Variants in SLC9B1 observed in about 807,000 individuals in gnomAD.
The protein encoded by SLC9B1 is sodium/hydrogen exchanger 9B1.
In SLC9B1, 32 loss-of-function variants were observed where a neutral mutation model predicts 51.7. The observed-to-expected ratio is 0.62, with a 90% CI of 0.47 to 0.83. SLC9B1 has a LOEUF of 0.83. SLC9B1 is among the 40% of genes least tolerant of loss of function. SLC9B1 has a pLI of 0.00. For synonymous variants in SLC9B1, 145 were observed against 212.7 expected (o/e 0.68, Z 2.77); for missense variants, 406 against 613.2 (o/e 0.66, Z 3.57).
intron 1 of SLC9B1, among the ~76,000 whole-genome samples, chr4:103,018,460 C>T (rs969804573): frequency 6.6e-6 from 1 of 152,162 alleles, no homozygotes; most frequent in Non-Finnish European, 1.5e-5. Flanking sequence ...TTCATAGGCA[C>T]ACAGTGACTA....
At chr4:102,988,537 G>T (rs1739779609) in intron 3 of SLC9B1, among the ~76,000 whole-genome samples, 1 of 151,918 alleles carries the variant, frequency 6.6e-6, no homozygotes, top group South Asian at 2.1e-4. Context: ...TCCATGATGC[G>T]GCAGAGTGGG....
At chr4:103,015,598 A>G (rs1741274941) in intron 1 of SLC9B1, among the ~76,000 whole-genome samples, 1 of 152,138 alleles carries the variant, frequency 6.6e-6, no homozygotes, top group Admixed American at 6.5e-5. Flanking sequence ...AACTTTGCCC[A>G]GCTGTGCTAT....
intron 3 of SLC9B1, among the ~76,000 whole-genome samples, chr4:102,955,859 A>G (rs1305285683): frequency 8.2e-6 from 1 of 122,006 alleles, no homozygotes; most frequent in Non-Finnish European, 1.6e-5. Flanking sequence ...GAAAGAAAGA[A>G]AGAAAGAAAG....
chr4:102,938,362 A>G (rs1736824829), intron 6 of SLC9B1, among the ~76,000 whole-genome samples: 1 of 152,248 alleles, frequency 6.6e-6, no homozygotes, highest in African/African-American at 2.4e-5. Flanking sequence ...TGGAGCATTC[A>G]GATTCATAAA....
chr4:102,890,925 A>G (rs1393266850), intron 11 of SLC9B1: 1 of 150,142 alleles, frequency 6.7e-6, no homozygotes, highest in Non-Finnish European at 1.5e-5. Context: ...GACAGGAGGA[A>G]ACCAATATAA....
intron 1 of SLC9B1, among the ~76,000 whole-genome samples, chr4:103,004,618 A>C (rs1560528798): frequency 6.6e-6 from 1 of 152,200 alleles, no homozygotes; most frequent in African/African-American, 2.4e-5. Flanking sequence ...GACCATCCCC[A>C]AAACACAAAG....
At chr4:102,894,140 GA>G (rs1734420014) in intron 11 of SLC9B1, among the ~76,000 whole-genome samples, 1 of 152,190 alleles carries the variant, frequency 6.6e-6, no homozygotes, top group African/African-American at 2.4e-5. Flanking sequence ...TAAATGCTGA[GA>G]GGGCTATTGT....
At chr4:103,013,102 CA>C (rs1741162102) in intron 1 of SLC9B1, among the ~76,000 whole-genome samples, 1 of 152,206 alleles carries the variant, frequency 6.6e-6, no homozygotes, top group South Asian at 2.1e-4. Context: ...CAACTATAGA[CA>C]AAGCTACCAA....
Position 102,910,473 on chromosome 4 carries a change from C to T in SLC9B1, c.1052G>A (p.Ser351Asn), listed in dbSNP as rs1277051930. 3 of 1,557,298 alleles carry T rather than the reference C, an allele frequency of 1.9e-6. No homozygotes were observed. The highest frequency in any genetic ancestry group is 4.0e-5 in the Admixed American group (2 of 50,116). Residue 351 changes from serine to asparagine, a missense_variant, in exon 9 of 12, where the codon AGT becomes AAT. Ser to Asn is a conservative substitution (Grantham distance 46). Around this residue, in one of 6 missense-constraint regions of SLC9B1, gnomAD observed 250 missense variants for 394.1 expected, o/e 0.63. Coordinates refer to ENST00000296422, the MANE Select transcript of SLC9B1 (RefSeq NM_139173.4). ...GGACCATTTTGTCCCTGCAATGAAACTCAACACTAGTGTGCATAATCCTCC... is the reference window on the plus strand; with the variant it reads ...GGACCATTTTGTCCCTGCAATGAAATTCAACACTAGTGTGCATAATCCTCC... ...GSGGLCTLVLSFIAGTKWSQE... is the reference protein window; with the variant it reads ...GSGGLCTLVLNFIAGTKWSQE...
chr4:102,908,267 A>T (rs1560920817), intron 9 of SLC9B1, among the ~76,000 whole-genome samples: 1 of 152,276 alleles, frequency 6.6e-6, no homozygotes. Context: ...TGGTCAATAA[A>T]TAAACAATTT....
In SLC9B1 at chr4:102,925,594, C is replaced by G. The variant is rs139372126; in HGVS notation, c.829+6530G>C. Among the ~76,000 whole-genome samples the G allele has an allele frequency of 4.6e-3, 676 of 148,450 alleles. 4 individuals are homozygous for G. The highest frequency in any genetic ancestry group is 0.033 in the Middle Eastern group (9 of 276). ...CACTGTCCTATATACCATATCTGTA[C>G]AAAAATTATAAATTTTAGATAGCCA... On this transcript the variant is annotated intron_variant, in intron 7 of 11. Coordinates refer to ENST00000296422, the MANE Select transcript of SLC9B1 (RefSeq NM_139173.4).
At chr4:102,886,486 C>T (rs1578316617) in intron 11 of SLC9B1, among the ~76,000 whole-genome samples, 1 of 150,996 alleles carries the variant, frequency 6.6e-6, no homozygotes, top group African/African-American at 2.4e-5. Flanking sequence ...GTGAGACTGT[C>T]TCACAAAAAA....
chr4:102,934,541 G>A (rs944644531), intron 6 of SLC9B1, among the ~76,000 whole-genome samples: 7 of 152,162 alleles, frequency 4.6e-5, no homozygotes, highest in Non-Finnish European at 1.0e-4. Flanking sequence ...GCTCACACCT[G>A]TAATCCCAGC....
At chr4:103,008,924 C>G (rs1740943984) in intron 1 of SLC9B1, among the ~76,000 whole-genome samples, 1 of 151,898 alleles carries the variant, frequency 6.6e-6, no homozygotes, top group African/African-American at 2.4e-5. Flanking sequence ...CTCAGTCTCC[C>G]GAGCAGCTGG....
chr4:102,977,309 A>C (rs1185224050), intron 3 of SLC9B1, among the ~76,000 whole-genome samples: 1 of 151,672 alleles, frequency 6.6e-6, no homozygotes, highest in East Asian at 1.9e-4. Context: ...AAAAAAAAAA[A>C]AAAAAAACAG....
At chr4:102,954,869 G>A (rs1737701480) in intron 3 of SLC9B1, among the ~76,000 whole-genome samples, 1 of 152,078 alleles carries the variant, frequency 6.6e-6, no homozygotes, top group African/African-American at 2.4e-5. Context: ...GATAAGGTTG[G>A]GAGGTGACAT....
At position 102,908,978 on chromosome 4, in the gene SLC9B1, A is replaced by G. The variant is rs542696916; in HGVS notation, c.1086+1461T>C. ...AGAAATGTAAATAAAGAATAACAACATCACATAATTGTAAGAAACTACAAG... is the reference window on the plus strand; with the variant it reads ...AGAAATGTAAATAAAGAATAACAACGTCACATAATTGTAAGAAACTACAAG... On this transcript the variant is annotated intron_variant, in intron 9 of 11. Transcript: ENST00000296422. 2.6e-5 allele frequency among the ~76,000 whole-genome samples: 4 copies of G among 152,410 alleles called. No individual in the cohort carries two copies. The South Asian group carries it at 8.3e-4, about 32-fold the overall frequency.
chr4:102,949,144 A>C (rs1737417187), intron 4 of SLC9B1, 113 bp downstream of exon 4: 2 of 908,070 alleles, frequency 2.2e-6, no homozygotes, highest in Non-Finnish European at 3.3e-6. Flanking sequence ...TGAAGAAACT[A>C]TATAAAACAT....
At chr4:102,885,151 CT>C (rs1733840065) in exon 12 of SLC9B1, 3 of 1,264,768 alleles carry the variant, frequency 2.4e-6, no homozygotes, top group Admixed American at 1.7e-5. Flanking sequence ...AAGGATGAAA[CT>C]AGACATGCTA....
Sources: allele counts gnomAD v4.1 joint callset (sites outside exome capture counted in the v4.1 genomes callset), GRCh38; gene constraint gnomAD v4.1.1; regional missense constraint gnomAD v4.1.1; transcripts MANE v1.5; gene names NCBI Gene and HGNC (gene_info 2026-07-23, HGNC 2026-07-21).